Variants in EPB41L3 observed in about 807,000 individuals in gnomAD.
The protein encoded by EPB41L3 is band 4.1-like protein 3.
Under a neutral mutation model 127.1 loss-of-function variants are expected in EPB41L3, and 57 were observed. The ratio of observed to expected loss-of-function variants is 0.45; its 90% confidence interval spans 0.36 to 0.56. The LOEUF is 0.56. Among genes scored for constraint, EPB41L3 ranks in the 20% least tolerant of loss-of-function variants. The pLI is 0.00. For missense variants in EPB41L3, 1,273 were observed against 1,372.2 expected (o/e 0.93, Z 1.14); for synonymous variants, 572 against 549.5 (o/e 1.04, Z -0.57).
intron 3 of EPB41L3, among the ~76,000 whole-genome samples, chr18:5,598,485 T>C (rs2094558226): frequency 6.6e-6 from 1 of 152,184 alleles, no homozygotes; most frequent in South Asian, 2.1e-4. Flanking sequence ...AATAAATATT[T>C]TAAAATATTA....
At chr18:5,559,074 G>A (rs1033024566) in intron 3 of EPB41L3, among the ~76,000 whole-genome samples, 23 of 151,774 alleles carry the variant, frequency 1.5e-4, no homozygotes, top group African/African-American at 5.1e-4. Context: ...AATTTGGCAT[G>A]TGCTCCTTAT....
chr18:5,489,861 A>G (rs562044987), intron 1 of EPB41L3, among the ~76,000 whole-genome samples: 140 of 152,280 alleles, frequency 9.2e-4, no homozygotes, highest in African/African-American at 3.2e-3. Context: ...GCTTCCCCCT[A>G]TTTCCATTGA....
chr18:5,494,211 C>T (rs958258982), intron 1 of EPB41L3, among the ~76,000 whole-genome samples: 9 of 152,106 alleles, frequency 5.9e-5, no homozygotes, highest in Non-Finnish European at 1.2e-4. Flanking sequence ...TGCCAACCCC[C>T]CAATCTGCTT....
intron 1 of EPB41L3, among the ~76,000 whole-genome samples, chr18:5,515,618 T>A (rs906765786): frequency 2.6e-5 from 4 of 152,064 alleles, no homozygotes; most frequent in Non-Finnish European, 5.9e-5. Flanking sequence ...AAAAAGGAAG[T>A]AAGAAAGAAC....
intron 12 of EPB41L3, 119 bp from the exon 13 acceptor site, chr18:5,416,497 A>C: frequency 9.6e-7 from 1 of 1,039,098 alleles, no homozygotes; most frequent in Non-Finnish European, 1.4e-6. Flanking sequence ...TAAAACAAAA[A>C]TTTTAGCACT....
intron 3 of EPB41L3, among the ~76,000 whole-genome samples, chr18:5,561,646 A>G (rs1370569397): frequency 1.3e-5 from 2 of 152,368 alleles, no homozygotes; most frequent in Non-Finnish European, 2.9e-5. Context: ...ATTGCTACAG[A>G]GAAGATCCAC....
At chr18:5,453,229 C>T (rs2082535607) in intron 3 of EPB41L3, among the ~76,000 whole-genome samples, 1 of 152,210 alleles carries the variant, frequency 6.6e-6, no homozygotes. Flanking sequence ...CCTCTTCTGG[C>T]ACAGCTGAAA....
chr18:5,558,296 T>C (rs997236414), intron 3 of EPB41L3, among the ~76,000 whole-genome samples: 3 of 152,174 alleles, frequency 2.0e-5, no homozygotes, highest in Non-Finnish European at 4.4e-5. Flanking sequence ...TTTTCATCAA[T>C]GCAGAAACAG....
intron 3 of EPB41L3, among the ~76,000 whole-genome samples, chr18:5,446,269 T>C (rs538700139): frequency 2.0e-5 from 3 of 152,356 alleles, no homozygotes; most frequent in African/African-American, 7.2e-5. Flanking sequence ...TGAGTTATCA[T>C]ATATAAATAC....
intron 16 of EPB41L3, chr18:5,399,183 T>G (rs984755610): frequency 2.5e-6 from 1 of 398,970 alleles, no homozygotes; most frequent in Non-Finnish European, 4.4e-6. Context: ...GTATATTTTC[T>G]GTTTGCTGTC....
At position 5,446,348 on chromosome 18, in the gene EPB41L3, GA is replaced by G. The variant is rs1011342299; in HGVS notation, c.382-1105del. 3.3e-5 allele frequency among the ~76,000 whole-genome samples: 5 copies of G among 151,772 alleles called. No homozygotes were observed. In the South Asian group the frequency reaches 8.3e-4, roughly 25 times the overall value. ...ATCTGGAGAAAAAGATGGTCATTTGGAAAAAAAATTCATCAGCTTAATTTAT... is the reference window on the plus strand; with the variant it reads ...ATCTGGAGAAAAAGATGGTCATTTGGAAAAAAATTCATCAGCTTAATTTAT... On this transcript the variant is annotated intron_variant, in intron 3 of 22. Coordinates refer to ENST00000341928, the MANE Select transcript of EPB41L3 (RefSeq NM_012307.5).
At chr18:5,583,725 A>G (rs1164527718) in intron 3 of EPB41L3, among the ~76,000 whole-genome samples, 1 of 152,200 alleles carries the variant, frequency 6.6e-6, no homozygotes, top group African/African-American at 2.4e-5. Context: ...GCATCTTAAA[A>G]TTGAAGAGCT....
At chr18:5,512,513 G>A (rs907426015) in intron 1 of EPB41L3, among the ~76,000 whole-genome samples, 1 of 152,156 alleles carries the variant, frequency 6.6e-6, no homozygotes, top group Non-Finnish European at 1.5e-5. Flanking sequence ...AATGGAGAAC[G>A]AGTTCAAGAT....
At chr18:5,497,649 T>C (rs1005092590) in intron 1 of EPB41L3, among the ~76,000 whole-genome samples, 12 of 152,202 alleles carry the variant, frequency 7.9e-5, no homozygotes, top group African/African-American at 2.9e-4. Context: ...CTCCATCACC[T>C]TTAACACGGG....
intron 16 of EPB41L3, among the ~76,000 whole-genome samples, chr18:5,402,612 T>C (rs1400546333): frequency 6.6e-6 from 1 of 152,164 alleles, no homozygotes; most frequent in Non-Finnish European, 1.5e-5. Flanking sequence ...ATTCTGTATA[T>C]GGTCAACCTC....
chr18:5,561,123 G>T (rs867522138), intron 3 of EPB41L3, among the ~76,000 whole-genome samples: 1 of 148,998 alleles, frequency 6.7e-6, no homozygotes, highest in Non-Finnish European at 1.5e-5. Context: ...GACTACAGGC[G>T]CCCGCCACTA....
At chr18:5,579,268 T>C (rs1375064110) in intron 3 of EPB41L3, among the ~76,000 whole-genome samples, 1 of 152,162 alleles carries the variant, frequency 6.6e-6, no homozygotes, top group Non-Finnish European at 1.5e-5. Flanking sequence ...CCAGACAGGA[T>C]GCTGTCTCTG....
At chr18:5,494,251 G>A (rs1421724452) in intron 1 of EPB41L3, among the ~76,000 whole-genome samples, 1 of 152,112 alleles carries the variant, frequency 6.6e-6, no homozygotes, top group African/African-American at 2.4e-5. Flanking sequence ...GCAGCAGGTG[G>A]CCTCCATCTG....
At chr18:5,441,332 A>G (rs1334999358) in intron 5 of EPB41L3, among the ~76,000 whole-genome samples, 1 of 152,182 alleles carries the variant, frequency 6.6e-6, no homozygotes, top group Non-Finnish European at 1.5e-5. Context: ...GGAAGTGGAG[A>G]TGATGGTACA....
Sources: gnomAD v4.1 joint callset for allele counts (sites outside exome capture counted in the v4.1 genomes callset) on GRCh38, gnomAD v4.1.1 for gene constraint, MANE v1.5 for transcripts, NCBI Gene and HGNC (gene_info 2026-07-23, HGNC 2026-07-21) for gene names.